RBFOX1: variants seen among roughly 807,000 people sequenced by gnomAD.
RBFOX1 encodes RNA binding fox-1 homolog 1, also known as RNA binding protein fox-1 homolog 1.
RBFOX1 carries 8 observed loss-of-function variants against 57.7 expected under a neutral mutation model. That is an observed-to-expected ratio of 0.14 (90% CI 0.08 to 0.25). The LOEUF is 0.25. Among genes scored for constraint, RBFOX1 ranks in the 10% least tolerant of loss-of-function variants. The pLI, the probability that RBFOX1 is intolerant of heterozygous loss-of-function variation, is 1.00. For synonymous variants in RBFOX1, 326 were observed against 222.4 expected, an observed-to-expected ratio of 1.47 and a Z score of -4.15; for missense variants, 611 against 548.5, an observed-to-expected ratio of 1.11 and a Z score of -1.14.
At chr16:7,350,358 A>G (rs183206473) in intron 4 of RBFOX1, among the ~76,000 whole-genome samples, 54 of 152,298 alleles carry the variant, frequency 3.5e-4, no homozygotes, top group Admixed American at 7.2e-4. Context: ...GATGGTCAGT[A>G]TGGCTGTGAC....
At chr16:7,630,225 C>T (rs778156163) in intron 10 of RBFOX1, among the ~76,000 whole-genome samples, 15 of 152,004 alleles carry the variant, frequency 9.9e-5, no homozygotes, top group Non-Finnish European at 2.2e-4. Flanking sequence ...CAGTGACTTG[C>T]CAAGATCACA....
intron 2 of RBFOX1, among the ~76,000 whole-genome samples, chr16:6,599,549 C>A (rs1187074487): frequency 6.6e-6 from 1 of 152,198 alleles, no homozygotes; most frequent in African/African-American, 2.4e-5. Context: ...AGTTCTCAAG[C>A]CAGTAACAAA....
At chr16:6,876,427 C>G (rs562050266) in intron 3 of RBFOX1, among the ~76,000 whole-genome samples, 1 of 59,442 alleles carries the variant, frequency 1.7e-5, no homozygotes, top group South Asian at 6.3e-4. Context: ...GAAACAAAGT[C>G]ACTCTTAAAA....
intron 4 of RBFOX1, among the ~76,000 whole-genome samples, chr16:7,124,937 AGTG>A (rs1311255142): frequency 3.9e-5 from 6 of 152,152 alleles, no homozygotes; most frequent in African/African-American, 1.4e-4. Context: ...CCCTGGAAGA[AGTG>A]GTGCCATTAG....
At chr16:5,300,764 G>C (rs1339814598) in intron 1 of RBFOX1, among the ~76,000 whole-genome samples, 2 of 152,060 alleles carry the variant, frequency 1.3e-5, no homozygotes, top group African/African-American at 4.8e-5. Context: ...CATCTAGGTT[G>C]TTGAATTTAT....
chr16:6,961,062 G>T (rs532253620), intron 3 of RBFOX1, among the ~76,000 whole-genome samples: 1 of 151,114 alleles, frequency 6.6e-6, no homozygotes. Flanking sequence ...AGAATCACTT[G>T]AATCCGGGAG....
chr16:6,546,164 G>T (rs1271553357), intron 2 of RBFOX1, among the ~76,000 whole-genome samples: 5 of 152,174 alleles, frequency 3.3e-5, no homozygotes, highest in Non-Finnish European at 7.3e-5. Flanking sequence ...TGGGCCATGG[G>T]TTGGACAAGC....
At chr16:5,996,621 AG>A (rs2060495244) in intron 4 of RBFOX1, among the ~76,000 whole-genome samples, 1 of 152,092 alleles carries the variant, frequency 6.6e-6, no homozygotes, top group South Asian at 2.1e-4. Context: ...TCTGTACCCT[AG>A]GGCTAATTGC....
intron 2 of RBFOX1, among the ~76,000 whole-genome samples, chr16:5,559,417 AATACATG>A (rs2045806211): frequency 6.6e-6 from 1 of 152,170 alleles, no homozygotes; most frequent in Non-Finnish European, 1.5e-5. Flanking sequence ...CTAATAGGCT[AATACATG>A]AGGAAATAGA....
At chr16:6,379,380 G>A (rs1460589819) in intron 2 of RBFOX1, among the ~76,000 whole-genome samples, 1 of 152,122 alleles carries the variant, frequency 6.6e-6, no homozygotes, top group Non-Finnish European at 1.5e-5. Flanking sequence ...CCTTATACCT[G>A]TTGTTCCACC....
At chr16:7,566,373 T>TC (rs1486336410) in intron 5 of RBFOX1, among the ~76,000 whole-genome samples, 1 of 152,176 alleles carries the variant, frequency 6.6e-6, no homozygotes, top group East Asian at 1.9e-4. Context: ...GAATCTTTAC[T>TC]CCTGTCTATA....
chr16:7,612,425 T>G (rs1389579165), intron 10 of RBFOX1, among the ~76,000 whole-genome samples: 1 of 151,496 alleles, frequency 6.6e-6, no homozygotes, highest in East Asian at 1.9e-4. Flanking sequence ...TGGCCCTTCT[T>G]TAGAGTTTAA....
intron 1 of RBFOX1, among the ~76,000 whole-genome samples, chr16:5,327,013 T>C (rs2064595469): frequency 6.6e-6 from 1 of 152,212 alleles, no homozygotes; most frequent in South Asian, 2.1e-4. Context: ...CAGGGAGGTA[T>C]TGATCATTAG....
chr16:6,543,155 C>T (rs974970283), intron 2 of RBFOX1, among the ~76,000 whole-genome samples: 1 of 152,064 alleles, frequency 6.6e-6, no homozygotes. Context: ...ACATTTGTAC[C>T]CCATCCCTTA....
At chr16:5,760,181 C>G (rs566145347) in intron 3 of RBFOX1, among the ~76,000 whole-genome samples, 1 of 152,076 alleles carries the variant, frequency 6.6e-6, no homozygotes, top group South Asian at 2.1e-4. Context: ...CGGAATGTTC[C>G]CAGTTTTATC....
intron 1 of RBFOX1, among the ~76,000 whole-genome samples, chr16:6,235,566 G>GTGTGTGTGTATGTA (rs1344283372): frequency 4.5e-5 from 1 of 22,006 alleles, no homozygotes; most frequent in Non-Finnish European, 2.0e-4. Context: ...GTATGTGTGT[G>GTGTGTGTGTATGTA]TGTGTGTGTG....
intron 2 of RBFOX1, among the ~76,000 whole-genome samples, chr16:6,647,134 C>T (rs2154079290): frequency 6.6e-6 from 1 of 152,298 alleles, no homozygotes. Flanking sequence ...CAGTCATTCT[C>T]ACTGGGTCCT....
At chr16:5,580,821 G>A (rs2046640859) in intron 2 of RBFOX1, among the ~76,000 whole-genome samples, 1 of 152,176 alleles carries the variant, frequency 6.6e-6, no homozygotes, top group Non-Finnish European at 1.5e-5. Context: ...AGGGCAGATG[G>A]CATTTACATG....
At chr16:7,265,541 C>G (rs1035901245) in intron 4 of RBFOX1, among the ~76,000 whole-genome samples, 1 of 152,036 alleles carries the variant, frequency 6.6e-6, no homozygotes, top group African/African-American at 2.4e-5. Flanking sequence ...CTCCGCCTCC[C>G]GTGTTGAAGC....
Sources: allele counts gnomAD v4.1 joint callset (sites outside exome capture counted in the v4.1 genomes callset), GRCh38; gene constraint gnomAD v4.1.1; transcripts MANE v1.5; gene names NCBI Gene and HGNC (gene_info 2026-07-23, HGNC 2026-07-21).